The following WDR47 variants were observed in gnomAD, a reference collection of about 807,000 sequenced individuals.
The protein encoded by WDR47 is WD repeat domain 47, also known as WD repeat-containing protein 47.
Under a neutral mutation model 97.2 loss-of-function variants are expected in WDR47, and 32 were observed. The observed-to-expected ratio is 0.33, with a 90% CI of 0.25 to 0.44. WDR47 has a LOEUF of 0.44. Ranked by LOEUF, WDR47 falls within the 20% of genes least tolerant of loss-of-function variation. The pLI is 1.00. For synonymous variants in WDR47, 375 were observed against 373.5 expected (o/e 1.00, Z -0.05); for missense variants, 782 against 1,102.3 (o/e 0.71, Z 4.11).
At chr1:109,040,953 C>T (rs1663312107) in intron 1 of WDR47, among the ~76,000 whole-genome samples, 1 of 151,594 alleles carries the variant, frequency 6.6e-6, no homozygotes. Flanking sequence ...TCACAACCTA[C>T]GAATCTGGGT....
Position 108,975,077 on chromosome 1 carries a change from G to GGTT in WDR47, c.2399-324_2399-323insAAC. ...TCTCAATCCAGTGTTTTCACTACTG[G>GGTT]AAGTATCTAGAAATGCTCCTATACC... On this transcript the variant is annotated intron_variant, in intron 13 of 14. Coordinates refer to ENST00000369962, the MANE Select transcript of WDR47 (RefSeq NM_001142551.2). Among the ~76,000 whole-genome samples, 2 of 152,108 alleles carry GGTT rather than the reference G, an allele frequency of 1.3e-5. 1 individual carries two copies. The highest frequency in any genetic ancestry group is 2.9e-5 in the Non-Finnish European group (2 of 68,038).
intron 13 of WDR47, among the ~76,000 whole-genome samples, chr1:108,980,380 G>A (rs1466874115): frequency 6.6e-6 from 1 of 151,848 alleles, no homozygotes; most frequent in Non-Finnish European, 1.5e-5. Context: ...AGAATACAAG[G>A]CAGATCTTTT....
Position 108,982,734 on chromosome 1 carries a change from A to T in WDR47, c.2141T>A (p.Leu714Ter), listed in dbSNP as rs1658444931. ...FSMHDGTIRD[L>*]AFMEGPESGG... Reference sequence around the variant, plus strand: ...GCTTTCTGGGCCTTCCATAAATGCCAAGTCTCTAATTGTTCCATCATGCAT... The same window carrying T: ...GCTTTCTGGGCCTTCCATAAATGCCTAGTCTCTAATTGTTCCATCATGCAT... Residue 714 changes from leucine (L) to a stop codon, truncating the protein, a stop_gained, in exon 12 of 15, where the codon TTG becomes TAG. Coordinates refer to ENST00000369962, the MANE Select transcript of WDR47 (RefSeq NM_001142551.2). LOFTEE classifies it high-confidence loss of function. 6.2e-7 allele frequency: 1 copy of T among 1,613,998 alleles called. No individual in the cohort carries two copies. The highest frequency in any genetic ancestry group is 8.5e-7 in the Non-Finnish European group (1 of 1,180,042).
chr1:108,980,472 T>G (rs1211376516), intron 13 of WDR47, among the ~76,000 whole-genome samples: 1 of 152,192 alleles, frequency 6.6e-6, no homozygotes, highest in Non-Finnish European at 1.5e-5. Context: ...CTCACACCTG[T>G]AATCCCAGCA....
At chr1:109,023,250 C>T (rs1399026720) in intron 2 of WDR47, 105 bp downstream of exon 2, 1 of 1,050,538 alleles carries the variant, frequency 9.5e-7, no homozygotes, top group Non-Finnish European at 1.3e-6. Flanking sequence ...ACTTACATAG[C>T]CTTTTCATGA....
intron 1 of WDR47, among the ~76,000 whole-genome samples, chr1:109,039,624 T>C (rs1446064141): frequency 1.3e-5 from 2 of 152,038 alleles, no homozygotes; most frequent in African/African-American, 4.8e-5. Context: ...AGAGAAAAAT[T>C]AGTTGAAATA....
rs778018502 is a variant in WDR47, at chr1:109,011,674, T to C, written c.372A>G (p.Leu124=). ...MQEAVQCLHA[L]EEYCPSKDDY... The stretch of plus-strand genomic sequence containing the variant: ...CATCTTTAGAAGGACAGTATTCTTC[T>C]AGAGCATGTAAACATTGCACAGCTT... The change falls in exon 5 of 15, where the codon CTA becomes CTG. Residue 124 remains leucine (L), a synonymous_variant. Transcript: ENST00000369962. 1.9e-6 allele frequency: 3 copies of C among 1,613,472 alleles called. No homozygotes were observed. Among genetic ancestry groups the C allele is most frequent in the Non-Finnish European group, 8.5e-7 (1 of 1,179,756 alleles).
chr1:109,020,764 T>C (rs956438787), intron 2 of WDR47, among the ~76,000 whole-genome samples: 1 of 152,112 alleles, frequency 6.6e-6, no homozygotes, highest in African/African-American at 2.4e-5. Flanking sequence ...ATGATATTCA[T>C]AACACAAAAT....
At chr1:108,993,301 G>C (rs1659505780) in intron 8 of WDR47, among the ~76,000 whole-genome samples, 1 of 151,578 alleles carries the variant, frequency 6.6e-6, no homozygotes, top group Admixed American at 6.6e-5. Flanking sequence ...ACTCCAGCCT[G>C]GGAGCCAAAG....
Position 109,011,269 on chromosome 1 carries a change from A to T in WDR47, c.777T>A (p.Ala259=), listed in dbSNP as rs764664079. 21 of 1,614,068 alleles carry T rather than the reference A, an allele frequency of 1.3e-5. No individual in the cohort carries two copies. Among genetic ancestry groups the T allele is most frequent in the Non-Finnish European group, 1.6e-5 (19 of 1,180,034 alleles). ...QNLPSSVFSC[A]FEQKMLNIHV... Reference sequence around the variant, plus strand: ...GAATATTAAGCATTTTCTGTTCAAAAGCACAAGAGAAGACAGAAGATGGAA... The same window carrying T: ...GAATATTAAGCATTTTCTGTTCAAATGCACAAGAGAAGACAGAAGATGGAA... The change falls in exon 5 of 15, where the codon GCT becomes GCA. Residue 259 remains alanine, a synonymous_variant. Transcript: ENST00000369962.
intron 5 of WDR47, 141 bp downstream of exon 5, chr1:109,010,775 G>C (rs960560260): frequency 3.5e-5 from 28 of 790,320 alleles, no homozygotes; most frequent in African/African-American, 3.4e-4. Context: ...GTAGAGACAG[G>C]GTTTCACCGT....
chr1:109,002,149 GA>G, intron 7 of WDR47, 74 bp downstream of exon 7: 1 of 1,415,206 alleles, frequency 7.1e-7, no homozygotes, highest in East Asian at 2.4e-5. Flanking sequence ...ACTATACATA[GA>G]AAGTAGCAGT....
chr1:109,035,250 A>G (rs1422750055), intron 1 of WDR47, among the ~76,000 whole-genome samples: 2 of 150,598 alleles, frequency 1.3e-5, no homozygotes, highest in African/African-American at 4.9e-5. Flanking sequence ...TGTCTCAGAA[A>G]AAAAAAAAAA....
At position 109,023,354 on chromosome 1, in the gene WDR47, C is replaced by T. The variant is rs1661986466; in HGVS notation, c.158+1G>A. On this transcript the variant is annotated splice_donor_variant, in intron 2 of 14. Transcript: ENST00000369962. LOFTEE classifies it high-confidence loss of function. ...AACTTCACAGTATAATGAAATCATA[C>T]CTCAGGAAAAGCATATCATCTGAAA... The T allele has an allele frequency of 1.2e-6, 2 of 1,612,590 alleles. No homozygotes were observed. The highest frequency in any genetic ancestry group is 1.3e-5 in the African/African-American group (1 of 74,930).
intron 1 of WDR47, among the ~76,000 whole-genome samples, chr1:109,032,521 A>T (rs1471659516): frequency 1.3e-5 from 2 of 149,902 alleles, no homozygotes; most frequent in Admixed American, 1.4e-4. Context: ...AAAAAAAAAA[A>T]GATTTTCTTA....
intron 2 of WDR47, among the ~76,000 whole-genome samples, chr1:109,021,838 ATTAT>A (rs1157880074): frequency 2.0e-5 from 3 of 151,224 alleles, no homozygotes; most frequent in Non-Finnish European, 2.9e-5. Flanking sequence ...TTTTTAATTT[ATTAT>A]TTATTTAATT....
chr1:108,981,388 AGGAAT>A (rs1233834880), intron 13 of WDR47, among the ~76,000 whole-genome samples: 1 of 152,164 alleles, frequency 6.6e-6, no homozygotes, highest in African/African-American at 2.4e-5. Context: ...ACCAAGAAAT[AGGAAT>A]GGAAAGAAAA....
intron 1 of WDR47, among the ~76,000 whole-genome samples, chr1:109,027,445 ATTCTC>A (rs536512731): frequency 4.6e-5 from 7 of 152,294 alleles, no homozygotes; most frequent in South Asian, 4.1e-4. Flanking sequence ...TCTTAGAATT[ATTCTC>A]TTCTAACTCC....
chr1:109,009,601 T>C (rs762603128), intron 5 of WDR47, among the ~76,000 whole-genome samples: 1 of 152,194 alleles, frequency 6.6e-6, no homozygotes, highest in Non-Finnish European at 1.5e-5. Flanking sequence ...GATTAATCAT[T>C]GATATCAAGA....
Sources: allele counts gnomAD v4.1 joint callset (sites outside exome capture counted in the v4.1 genomes callset), GRCh38; gene constraint gnomAD v4.1.1; transcripts MANE v1.5; gene names NCBI Gene and HGNC (gene_info 2026-07-23, HGNC 2026-07-21).